RANBP17: variants seen among roughly 807,000 people sequenced by gnomAD.
RANBP17 encodes RAN binding protein 17, also known as ran-binding protein 17.
A neutral mutation model predicts 141.2 loss-of-function variants in RANBP17; 158 were observed. That is an observed-to-expected ratio of 1.12 (90% confidence interval 0.98 to 1.28). The LOEUF is 1.28. RANBP17 is among the 50% of genes most tolerant of loss of function. The pLI, the probability that RANBP17 is intolerant of heterozygous loss-of-function variation, is 0.00. For missense variants in RANBP17, 1,438 were observed against 1,290.7 expected, an observed-to-expected ratio of 1.11 and a Z score of -1.75; for synonymous variants, 430 against 450.0, an observed-to-expected ratio of 0.96 and a Z score of 0.56.
intron 14 of RANBP17, among the ~76,000 whole-genome samples, chr5:171,003,726 T>C (rs936772441): frequency 5.9e-5 from 9 of 152,078 alleles, no homozygotes; most frequent in Non-Finnish European, 1.0e-4. Flanking sequence ...GAGAAAGAGC[T>C]TGGCTGAAGT....
At chr5:171,060,900 A>G (rs1239416381) in intron 14 of RANBP17, among the ~76,000 whole-genome samples, 3 of 151,906 alleles carry the variant, frequency 2.0e-5, no homozygotes, top group East Asian at 1.9e-4. Flanking sequence ...GGGAGGGTGT[A>G]TGTGTCGAGG....
intron 24 of RANBP17, among the ~76,000 whole-genome samples, chr5:171,258,646 C>T (rs911227918): frequency 1.3e-5 from 2 of 151,990 alleles, no homozygotes; most frequent in Admixed American, 6.6e-5. Context: ...ACAGTCTCTC[C>T]AATAAAATGG....
At chr5:170,921,712 A>G (rs1772482757) in intron 11 of RANBP17, among the ~76,000 whole-genome samples, 2 of 152,246 alleles carry the variant, frequency 1.3e-5, no homozygotes, top group South Asian at 4.1e-4. Flanking sequence ...GATTCTTCCT[A>G]TCCATGAGCA....
At chr5:171,232,249 T>C (rs981875655) in intron 22 of RANBP17, among the ~76,000 whole-genome samples, 4 of 152,172 alleles carry the variant, frequency 2.6e-5, no homozygotes, top group Non-Finnish European at 5.9e-5. Flanking sequence ...AGGTAGTGAA[T>C]CATACTTAAA....
At chr5:171,247,777 C>A (rs971752071) in intron 24 of RANBP17, among the ~76,000 whole-genome samples, 3 of 152,104 alleles carry the variant, frequency 2.0e-5, no homozygotes, top group Non-Finnish European at 4.4e-5. Flanking sequence ...CCTTTCTAAA[C>A]CTTGGCAGTA....
chr5:171,042,386 A>G (rs1782309232), intron 14 of RANBP17, among the ~76,000 whole-genome samples: 1 of 152,064 alleles, frequency 6.6e-6, no homozygotes, highest in Non-Finnish European at 1.5e-5. Flanking sequence ...ATGTAATCCT[A>G]AGGGATCACC....
chr5:171,073,692 G>A (rs986834505), intron 14 of RANBP17, among the ~76,000 whole-genome samples: 12 of 152,096 alleles, frequency 7.9e-5, no homozygotes, highest in Non-Finnish European at 1.0e-4. Flanking sequence ...CTCATTCAGC[G>A]TCTACCCTAA....
chr5:171,033,683 T>C (rs1781691176), intron 14 of RANBP17, among the ~76,000 whole-genome samples: 1 of 152,160 alleles, frequency 6.6e-6, no homozygotes, highest in Non-Finnish European at 1.5e-5. Context: ...TGGAGGGTAG[T>C]GGCACTATAA....
intron 14 of RANBP17, among the ~76,000 whole-genome samples, chr5:171,159,659 C>T (rs1759177871): frequency 6.6e-6 from 1 of 152,074 alleles, no homozygotes; most frequent in Non-Finnish European, 1.5e-5. Context: ...CAGTGGCTCA[C>T]GCCTATAATC....
At chr5:171,166,106 CAG>C (rs1257873610) in intron 14 of RANBP17, among the ~76,000 whole-genome samples, 3 of 152,042 alleles carry the variant, frequency 2.0e-5, no homozygotes, top group East Asian at 1.9e-4. Context: ...TTTAAAAAAA[CAG>C]AGCATCATTT....
intron 24 of RANBP17, among the ~76,000 whole-genome samples, chr5:171,256,530 C>T (rs960329678): frequency 6.6e-6 from 1 of 151,968 alleles, no homozygotes; most frequent in South Asian, 2.1e-4. Context: ...AAAAACCAAA[C>T]CCAAAATTAG....
intron 12 of RANBP17, among the ~76,000 whole-genome samples, chr5:170,936,206 T>A (rs944927355): frequency 2.0e-5 from 3 of 152,134 alleles, no homozygotes; most frequent in Non-Finnish European, 4.4e-5. Context: ...AGCTTCCCTT[T>A]GCTAGGAAAG....
chr5:171,067,207 A>G lies in RANBP17; in HGVS notation c.1710+98830A>G, dbSNP rs138533433. Among the ~76,000 whole-genome samples, 324 of 152,186 alleles carry G rather than the reference A, an allele frequency of 2.1e-3. 2 individuals are homozygous for G. The highest frequency in any genetic ancestry group is 7.5e-3 in the African/African-American group (311 of 41,512). Reference sequence around the variant, plus strand: ...TTTCTTAGTGGTGTCCATGGGGTTTACACTAAACATCCTGAATTTACTTTG... The same window carrying G: ...TTTCTTAGTGGTGTCCATGGGGTTTGCACTAAACATCCTGAATTTACTTTG... On this transcript the variant is annotated intron_variant, in intron 14 of 27. Transcript: ENST00000523189.
chr5:170,891,409 T>C (rs1561860076), intron 3 of RANBP17, among the ~76,000 whole-genome samples: 1 of 152,108 alleles, frequency 6.6e-6, no homozygotes, highest in Non-Finnish European at 1.5e-5. Flanking sequence ...TAATACCAGA[T>C]AAGGATGGGT....
intron 12 of RANBP17, 111 bp downstream of exon 12, chr5:170,924,661 G>T: frequency 1.5e-6 from 1 of 659,444 alleles, no homozygotes; most frequent in Non-Finnish European, 2.4e-6. Context: ...CCCAATTCCT[G>T]GTCCCCTAAT....
At chr5:171,065,221 G>A (rs1489322990) in intron 14 of RANBP17, among the ~76,000 whole-genome samples, 2 of 151,822 alleles carry the variant, frequency 1.3e-5, no homozygotes, top group East Asian at 3.9e-4. Flanking sequence ...TGGCTATCCG[G>A]TATTCCCTAC....
At chr5:171,168,052 T>G (rs146971997) in intron 14 of RANBP17, among the ~76,000 whole-genome samples, 1 of 152,262 alleles carries the variant, frequency 6.6e-6, no homozygotes, top group East Asian at 1.9e-4. Flanking sequence ...CCACGTAGTA[T>G]TCACTTGACA....
intron 14 of RANBP17, among the ~76,000 whole-genome samples, chr5:171,027,003 C>T (rs1329762591): frequency 6.6e-6 from 1 of 152,100 alleles, no homozygotes; most frequent in African/African-American, 2.4e-5. Context: ...GGAACACACA[C>T]AAGAGATCTA....
At chr5:171,271,043 T>A (rs1422452100) in intron 25 of RANBP17, 1 of 116,872 alleles carries the variant, frequency 8.6e-6, no homozygotes, top group Non-Finnish European at 1.8e-5. Flanking sequence ...CTCTCCCTTT[T>A]CTCCCTTTTC....
Sources: allele counts gnomAD v4.1 joint callset (sites outside exome capture counted in the v4.1 genomes callset), GRCh38; gene constraint gnomAD v4.1.1; transcripts MANE v1.5; gene names NCBI Gene and HGNC (gene_info 2026-07-23, HGNC 2026-07-21).